Variants in LMBR1 observed in about 807,000 individuals in gnomAD.
The protein encoded by LMBR1 is limb development membrane protein 1.
LMBR1 carries 52 observed loss-of-function variants against 73.9 expected under a neutral mutation model. That is an observed-to-expected ratio of 0.70 (90% CI 0.56 to 0.89). LMBR1 has a LOEUF of 0.89. Among genes scored for constraint, LMBR1 ranks in the 40% least tolerant of loss-of-function variants. The probability of loss-of-function intolerance (pLI) is 0.00; values close to 1 mark genes in which losing one functional copy is unlikely to be tolerated. For missense variants in LMBR1, 539 were observed against 579.8 expected (o/e 0.93, Z 0.72); for synonymous variants, 215 against 209.4 (o/e 1.03, Z -0.23).
At chr7:156,853,939 G>A (rs1484548953) in intron 1 of LMBR1, among the ~76,000 whole-genome samples, 1 of 149,160 alleles carries the variant, frequency 6.7e-6, no homozygotes. Flanking sequence ...ACAGGCATGT[G>A]CCATCGTGCC....
At chr7:156,830,637 T>C (rs1164529188) in intron 3 of LMBR1, among the ~76,000 whole-genome samples, 1 of 152,252 alleles carries the variant, frequency 6.6e-6, no homozygotes, top group Non-Finnish European at 1.5e-5. Context: ...AATGTTGGCA[T>C]ACCAGCATTC....
At chr7:156,762,838 TGA>T (rs1319947110) in intron 7 of LMBR1, among the ~76,000 whole-genome samples, 2 of 111,474 alleles carry the variant, frequency 1.8e-5, no homozygotes, top group African/African-American at 3.3e-5. Flanking sequence ...TGAAAGTGTG[TGA>T]GTGTGAGTGT....
intron 8 of LMBR1, among the ~76,000 whole-genome samples, chr7:156,760,763 A>C (rs899819029): frequency 3.3e-5 from 5 of 152,214 alleles, no homozygotes; most frequent in Non-Finnish European, 5.9e-5. Context: ...TAAAATATAA[A>C]AATATTATGA....
intron 10 of LMBR1, among the ~76,000 whole-genome samples, chr7:156,729,854 C>T (rs1407385635): frequency 6.6e-6 from 1 of 152,148 alleles, no homozygotes; most frequent in Non-Finnish European, 1.5e-5. Flanking sequence ...TAACACCAAT[C>T]CTCATGCTAA....
chr7:156,744,805 T>C (rs1054183742), intron 9 of LMBR1, among the ~76,000 whole-genome samples: 1 of 152,186 alleles, frequency 6.6e-6, no homozygotes, highest in Non-Finnish European at 1.5e-5. Flanking sequence ...AAAATCAAAG[T>C]GTTAGCAGGA....
chr7:156,758,561 G>C (rs547660319), intron 8 of LMBR1, among the ~76,000 whole-genome samples: 1 of 152,272 alleles, frequency 6.6e-6, no homozygotes, highest in East Asian at 1.9e-4. Context: ...AGTAATAACT[G>C]AGTTCTTGCT....
At chr7:156,734,037 T>G in intron 10 of LMBR1, 140 bp downstream of exon 10, 2 of 520,594 alleles carry the variant, frequency 3.8e-6, no homozygotes, top group Non-Finnish European at 6.9e-6. Flanking sequence ...AACTGTAAGA[T>G]AGTCTTTATT....
At chr7:156,857,080 G>A (rs1377006047) in intron 1 of LMBR1, among the ~76,000 whole-genome samples, 1 of 151,260 alleles carries the variant, frequency 6.6e-6, no homozygotes, top group Non-Finnish European at 1.5e-5. Context: ...TAGAACCAAA[G>A]ACAGAAAAAA....
chr7:156,718,250 A>C (rs1332282134), intron 15 of LMBR1, among the ~76,000 whole-genome samples: 1 of 151,858 alleles, frequency 6.6e-6, no homozygotes, highest in African/African-American at 2.4e-5. Context: ...AAATACAAAA[A>C]TTAGCTGGGC....
chr7:156,687,307 C>G (rs1389820608), intron 16 of LMBR1, among the ~76,000 whole-genome samples: 1 of 152,120 alleles, frequency 6.6e-6, no homozygotes, highest in African/African-American at 2.4e-5. Context: ...CTGCCTTTCC[C>G]TTCTTCTGTC....
At chr7:156,892,769 G>A (rs1157045103) in intron 1 of LMBR1, among the ~76,000 whole-genome samples, 159 bp downstream of exon 1, 7 of 128,006 alleles carry the variant, frequency 5.5e-5, no homozygotes, top group Admixed American at 7.4e-5. Context: ...GGGAGGGGAG[G>A]GGAGAGGAGG....
chr7:156,880,070 G>C (rs769526793), intron 1 of LMBR1, among the ~76,000 whole-genome samples: 30 of 152,196 alleles, frequency 2.0e-4, no homozygotes, highest in Non-Finnish European at 3.1e-4. Flanking sequence ...GCAGCACAAT[G>C]TGCAGTTGCA....
chr7:156,763,242 T>C (rs1226265407), intron 6 of LMBR1, 66 bp from the exon 7 acceptor site: 10 of 684,430 alleles, frequency 1.5e-5, no homozygotes, highest in Non-Finnish European at 2.4e-5. Flanking sequence ...AGTCAGTCTA[T>C]CTTACGATAA....
chr7:156,836,855 C>A lies in LMBR1; in HGVS notation c.97G>T (p.Val33Phe), dbSNP rs777239332. 6.3e-7 allele frequency: 1 copy of A among 1,579,940 alleles called. No homozygotes were observed. The highest frequency in any genetic ancestry group is 2.3e-5 in the East Asian group (1 of 43,912). Residue 33 changes from valine (V) to phenylalanine (F), a missense_variant, in exon 2 of 17, where the codon GTT (valine) becomes TTT (phenylalanine). Val to Phe is a conservative substitution (Grantham distance 50). This residue lies in a region of LMBR1 where 454 missense variants were observed against 473.4 expected (regional missense o/e 0.96). Coordinates refer to ENST00000353442, the MANE Select transcript of LMBR1 (RefSeq NM_022458.4). ...CTTGTGATGATGAAGTAGGAAACAACGTAGAGAATGGCAAAAAGAAGGAAA... is the reference window on the plus strand; with the variant it reads ...CTTGTGATGATGAAGTAGGAAACAAAGTAGAGAATGGCAAAAAGAAGGAAA... ...ICFLLFAILY[V>F]VSYFIITRYK... is the part of the protein sequence containing the mutation.
intron 15 of LMBR1, among the ~76,000 whole-genome samples, chr7:156,701,728 AATCT>A (rs1310668503): frequency 6.6e-6 from 1 of 152,216 alleles, no homozygotes; most frequent in Non-Finnish European, 1.5e-5. Context: ...TGCACCTATC[AATCT>A]ATCACCTAGG....
At chr7:156,774,343 T>G (rs1825745304) in intron 5 of LMBR1, among the ~76,000 whole-genome samples, 1 of 152,186 alleles carries the variant, frequency 6.6e-6, no homozygotes, top group South Asian at 2.1e-4. Flanking sequence ...TACCATTTAA[T>G]CCAGCAATCC....
chr7:156,692,930 A>G (rs184987357), intron 15 of LMBR1, among the ~76,000 whole-genome samples: 2 of 152,348 alleles, frequency 1.3e-5, no homozygotes, highest in East Asian at 3.9e-4. Flanking sequence ...TATGAAAGAA[A>G]ATAGACTGAA....
intron 15 of LMBR1, among the ~76,000 whole-genome samples, chr7:156,710,034 A>G (rs1006939793): frequency 1.3e-5 from 2 of 149,812 alleles, no homozygotes; most frequent in African/African-American, 4.9e-5. Flanking sequence ...TCTCCTGAGT[A>G]GCTGGGACTA....
chr7:156,879,031 T>C (rs1800649262), intron 1 of LMBR1, among the ~76,000 whole-genome samples: 2 of 152,200 alleles, frequency 1.3e-5, no homozygotes, highest in Admixed American at 6.5e-5. Context: ...TCTCACCTTA[T>C]ATAAAAATCA....
Sources: gnomAD v4.1 joint callset for allele counts (sites outside exome capture counted in the v4.1 genomes callset) on GRCh38, gnomAD v4.1.1 for gene constraint, gnomAD v4.1.1 regional missense constraint, MANE v1.5 for transcripts, NCBI Gene and HGNC (gene_info 2026-07-23, HGNC 2026-07-21) for gene names.